The following PARD3B variants were observed in gnomAD, a reference collection of about 807,000 sequenced individuals.
The protein encoded by PARD3B is par-3 family cell polarity regulator beta.
Under a neutral mutation model 130.2 loss-of-function variants are expected in PARD3B, and 103 were observed. That is an observed-to-expected ratio of 0.79 (90% CI 0.67 to 0.93). PARD3B has a LOEUF of 0.93. PARD3B is among the 40% of genes least tolerant of loss of function. The pLI is 0.00. For synonymous variants in PARD3B, 583 were observed against 553.2 expected, an observed-to-expected ratio of 1.05 and a Z score of -0.76; for missense variants, 1,609 against 1,499.2, an observed-to-expected ratio of 1.07 and a Z score of -1.21.
intron 14 of PARD3B, among the ~76,000 whole-genome samples, chr2:205,188,507 T>C (rs1385816805): frequency 6.6e-6 from 1 of 152,092 alleles, no homozygotes; most frequent in Non-Finnish European, 1.5e-5. Context: ...CTGCTCCGAC[T>C]TGGGACTAGC....
intron 20 of PARD3B, among the ~76,000 whole-genome samples, chr2:205,485,660 C>T (rs2049410639): frequency 6.6e-6 from 1 of 152,052 alleles, no homozygotes; most frequent in African/African-American, 2.4e-5. Flanking sequence ...CTGCATCATC[C>T]CCTTTAGAAA....
chr2:205,368,060 A>G (rs956588635), intron 18 of PARD3B, among the ~76,000 whole-genome samples: 4 of 152,206 alleles, frequency 2.6e-5, no homozygotes, highest in Non-Finnish European at 4.4e-5. Flanking sequence ...TAAGGGTGAT[A>G]CGTCTGTGTG....
In PARD3B at chr2:205,168,330, T is replaced by TGC. The variant is rs2034951576; in HGVS notation, c.1621-3880_1621-3879insCG. ...GAGAGAGAGAGAGAGAGTGTGTGTG[T>TGC]GTGAATATTGCAAGCATAACCCAGG... On this transcript the variant is annotated intron_variant, in intron 11 of 22. Transcript: ENST00000406610. Among the ~76,000 whole-genome samples, 3 of 94,542 alleles carry TGC rather than the reference T, an allele frequency of 3.2e-5. No individual in the cohort carries two copies. The South Asian group carries it at 1.0e-3, about 33-fold the overall frequency. The allele number at this position is 94,542 out of a possible 152,430, so 62.0% of individuals were successfully genotyped here. A position where few individuals can be genotyped will look rare whatever the true frequency, so the allele number is the denominator to read the frequency against.
At chr2:204,828,763 G>A (rs538535924) in intron 2 of PARD3B, among the ~76,000 whole-genome samples, 1 of 152,240 alleles carries the variant, frequency 6.6e-6, no homozygotes. Context: ...TGCATAGTAT[G>A]ACCAAATTAA....
rs79681635 is a variant in PARD3B at position 204,642,537 on chromosome 2, T to C, written c.121-43644T>C. ...ATGCTAGGGACATTTCTGATTTCTG[T>C]CCATGGTGGCATAGGACATCCATAT... On this transcript the variant is annotated intron_variant, in intron 1 of 22. Transcript: ENST00000406610. Among the ~76,000 whole-genome samples, 1,291 of 152,274 alleles carry C rather than the reference T, an allele frequency of 8.5e-3. 17 individuals carry two copies. Among genetic ancestry groups the C allele is most frequent in the African/African-American group, 0.03 (1,227 of 41,562 alleles).
chr2:205,172,664 T>G (rs1393332875), intron 12 of PARD3B, among the ~76,000 whole-genome samples: 1 of 152,222 alleles, frequency 6.6e-6, no homozygotes, highest in Non-Finnish European at 1.5e-5. Flanking sequence ...TATATACTTT[T>G]TTGGTTGATA....
intron 2 of PARD3B, among the ~76,000 whole-genome samples, chr2:204,746,751 A>C (rs2040247385): frequency 6.6e-6 from 1 of 151,992 alleles, no homozygotes; most frequent in African/African-American, 2.4e-5. Context: ...GCGTTTTTTC[A>C]TGTGTCTGTT....
chr2:204,559,588 T>C (rs1270972012), intron 1 of PARD3B, among the ~76,000 whole-genome samples: 2 of 152,206 alleles, frequency 1.3e-5, no homozygotes, highest in Non-Finnish European at 2.9e-5. Context: ...ATGCTGTTGG[T>C]TGGAATGTAA....
intron 19 of PARD3B, among the ~76,000 whole-genome samples, chr2:205,427,637 G>T (rs1178687822): frequency 1.3e-5 from 2 of 152,006 alleles, no homozygotes; most frequent in Non-Finnish European, 2.9e-5. Flanking sequence ...TATTGCATGG[G>T]ATGGAGAAGA....
At chr2:204,777,310 C>G (rs945653746) in intron 2 of PARD3B, among the ~76,000 whole-genome samples, 1 of 152,104 alleles carries the variant, frequency 6.6e-6, no homozygotes, top group African/African-American at 2.4e-5. Flanking sequence ...TGGCTAGCAC[C>G]CAGTCCTCCT....
At position 205,216,763 on chromosome 2, in the gene PARD3B, T is replaced by C. The variant is rs528702753; in HGVS notation, c.2140+23443T>C. Among the ~76,000 whole-genome samples, 58 of 152,286 alleles carry C rather than the reference T, an allele frequency of 3.8e-4. 1 individual carries two copies. The Middle Eastern group carries it at 0.014, about 36-fold the overall frequency. On this transcript the variant is annotated intron_variant, in intron 15 of 22. Transcript: ENST00000406610. ...GAACAGTACTCTTTATCAGTTAAAATAGCATTAGCTACGAGCACATTCCAC... is the reference window on the plus strand; with the variant it reads ...GAACAGTACTCTTTATCAGTTAAAACAGCATTAGCTACGAGCACATTCCAC...
intron 2 of PARD3B, among the ~76,000 whole-genome samples, chr2:204,690,101 G>C (rs993591704): frequency 6.6e-6 from 1 of 152,108 alleles, no homozygotes; most frequent in Non-Finnish European, 1.5e-5. Flanking sequence ...AGGCTTGTCA[G>C]CTCTACCTCT....
intron 1 of PARD3B, among the ~76,000 whole-genome samples, chr2:204,679,266 C>T (rs2036707100): frequency 6.6e-6 from 1 of 152,040 alleles, no homozygotes; most frequent in Non-Finnish European, 1.5e-5. Flanking sequence ...TTCTGTGTGT[C>T]GTTTGGTTAG....
intron 2 of PARD3B, among the ~76,000 whole-genome samples, chr2:204,916,243 T>C (rs1404007836): frequency 5.3e-5 from 8 of 152,254 alleles, no homozygotes; most frequent in Non-Finnish European, 1.2e-4. Context: ...TAAGAATATT[T>C]TGTTTGTGAA....
At position 204,642,427 on chromosome 2, in the gene PARD3B, T is replaced by A. The variant is rs569376074; in HGVS notation, c.121-43754T>A. Reference sequence around the variant, plus strand: ...GGAATTTAATGATGTATCCTTTTTCTAGTGATTTAAATGGACATAATTGCA... The same window carrying A: ...GGAATTTAATGATGTATCCTTTTTCAAGTGATTTAAATGGACATAATTGCA... On this transcript the variant is annotated intron_variant, in intron 1 of 22. Transcript: ENST00000406610. Among the ~76,000 whole-genome samples, 3 of 152,300 alleles carry A rather than the reference T, an allele frequency of 2.0e-5. No homozygotes were observed. The East Asian group carries it at 5.8e-4, about 29-fold the overall frequency.
At chr2:204,649,255 T>C (rs1463082925) in intron 1 of PARD3B, among the ~76,000 whole-genome samples, 1 of 151,210 alleles carries the variant, frequency 6.6e-6, no homozygotes, top group African/African-American at 2.4e-5. Context: ...TTGTATCTTT[T>C]GTCCATTGTG....
intron 18 of PARD3B, among the ~76,000 whole-genome samples, chr2:205,381,899 T>G (rs921126887): frequency 5.3e-5 from 8 of 152,038 alleles, no homozygotes; most frequent in African/African-American, 1.9e-4. Context: ...TCTTTAACCT[T>G]TCCTAATCAT....
At chr2:205,209,892 ATAAC>A (rs1413080125) in intron 15 of PARD3B, among the ~76,000 whole-genome samples, 1 of 152,116 alleles carries the variant, frequency 6.6e-6, no homozygotes, top group Non-Finnish European at 1.5e-5. Context: ...ACATTTTAAA[ATAAC>A]TAAAGGATTA....
rs370359613 is a variant in PARD3B, at chr2:205,528,622, G to C, written c.3181-24702G>C. Among the ~76,000 whole-genome samples the C allele has an allele frequency of 4.1e-4, 62 of 152,086 alleles. 1 individual carries two copies. The highest frequency in any genetic ancestry group is 3.4e-3 in the Middle Eastern group (1 of 294). On this transcript the variant is annotated intron_variant, in intron 21 of 22. Transcript: ENST00000406610. ...TTCTTCTGCCTCAGCCTCCCAAGTA[G>C]TTGGGATTACAGACATGTGCCACCA...
Sources: gnomAD v4.1 joint callset for allele counts (sites outside exome capture counted in the v4.1 genomes callset) on GRCh38, gnomAD v4.1.1 for gene constraint, MANE v1.5 for transcripts, NCBI Gene and HGNC (gene_info 2026-07-23, HGNC 2026-07-21) for gene names.